Variants in SLC4A8 observed in about 807,000 individuals in gnomAD.
SLC4A8 encodes the protein solute carrier family 4 member 8.
SLC4A8 carries 40 observed loss-of-function variants against 125.0 expected under a neutral mutation model. The ratio of observed to expected loss-of-function variants is 0.32; its 90% CI spans 0.25 to 0.42. The LOEUF is 0.42. SLC4A8 is among the 10% of genes least tolerant of loss of function. SLC4A8 has a pLI of 1.00. For synonymous variants in SLC4A8, 456 were observed against 476.0 expected (o/e 0.96, Z 0.55); for missense variants, 863 against 1,355.1 (o/e 0.64, Z 5.70).
upstream of SLC4A8, among the ~76,000 whole-genome samples, chr12:51,422,808 C>G (rs1371936304): frequency 6.6e-6 from 1 of 152,194 alleles, no homozygotes; most frequent in Non-Finnish European, 1.5e-5. Context: ...CTCTTCTTAC[C>G]TTGGGTCAGC....
At chr12:51,465,755 T>G (rs917301825) in intron 11 of SLC4A8, among the ~76,000 whole-genome samples, 3 of 152,206 alleles carry the variant, frequency 2.0e-5, no homozygotes, top group Non-Finnish European at 2.9e-5. Context: ...CCTCCCATTG[T>G]AGCCCCTTAG....
chr12:51,415,493 T>C (rs1274883839), intron 1 of SLC4A8, among the ~76,000 whole-genome samples: 2 of 152,128 alleles, frequency 1.3e-5, no homozygotes, highest in African/African-American at 4.8e-5. Context: ...CAGGAATTTA[T>C]CCATTTCCTC....
intron 22 of SLC4A8, among the ~76,000 whole-genome samples, chr12:51,503,450 A>G (rs1386487764): frequency 6.6e-6 from 1 of 151,912 alleles, no homozygotes; most frequent in African/African-American, 2.4e-5. Context: ...TGACTTCATG[A>G]TCTGCCCACC....
chr12:51,474,592 C>A, intron 15 of SLC4A8, 145 bp downstream of exon 15: 1 of 1,388,074 alleles, frequency 7.2e-7, no homozygotes, highest in Non-Finnish European at 9.5e-7. Context: ...TACTCACTTT[C>A]TTTTATCCTT....
intron 2 of SLC4A8, among the ~76,000 whole-genome samples, chr12:51,445,063 CCT>C (rs1949730418): frequency 6.6e-6 from 1 of 152,198 alleles, no homozygotes; most frequent in East Asian, 1.9e-4. Flanking sequence ...CTGAAAGTCA[CCT>C]CTCACTGAGG....
intron 16 of SLC4A8, among the ~76,000 whole-genome samples, chr12:51,478,269 C>T (rs1471707128): frequency 4.0e-5 from 5 of 123,662 alleles, no homozygotes; most frequent in East Asian, 2.3e-4. Flanking sequence ...AGCGAAACTC[C>T]GTCTCAAAAA....
At chr12:51,482,109 A>G (rs1036608602) in intron 16 of SLC4A8, among the ~76,000 whole-genome samples, 3 of 152,190 alleles carry the variant, frequency 2.0e-5, no homozygotes, top group Non-Finnish European at 4.4e-5. Context: ...TGGATAGTCA[A>G]TAGCTACATG....
chr12:51,469,545 A>T (rs941072118), intron 11 of SLC4A8, 69 bp from the exon 12 acceptor site: 40 of 1,387,892 alleles, frequency 2.9e-5, no homozygotes, highest in Non-Finnish European at 3.6e-5. Context: ...ATGCTTTCAA[A>T]TGTGTGCTGT....
chr12:51,421,087 T>C (rs928546785), upstream of SLC4A8, among the ~76,000 whole-genome samples: 4 of 152,314 alleles, frequency 2.6e-5, no homozygotes, highest in African/African-American at 9.6e-5. Flanking sequence ...CTTGTCCACT[T>C]TATGCCTCTT....
At chr12:51,447,056 G>GTCTATCTGTCTA (rs1949793962) in intron 2 of SLC4A8, among the ~76,000 whole-genome samples, 25 of 147,432 alleles carry the variant, frequency 1.7e-4, no homozygotes, top group Non-Finnish European at 3.3e-4. Context: ...CTGTCTGTCT[G>GTCTATCTGTCTA]TCTATCTATC....
chr12:51,392,582 A>AAG (rs1555183496), intron 1 of SLC4A8, among the ~76,000 whole-genome samples: 6 of 150,992 alleles, frequency 4.0e-5, no homozygotes, highest in East Asian at 1.9e-4. Context: ...AAAAAAAAAA[A>AAG]AAAAGAAAAA....
At position 51,515,541 on chromosome 12, in the gene SLC4A8, A is replaced by G. The variant is rs545327225; in HGVS notation, c.*8103A>G. The G allele has an allele frequency of 6.6e-6, 1 of 152,304 alleles. No individual in the cohort carries two copies. Among genetic ancestry groups the G allele is most frequent in the South Asian group, 2.1e-4 (1 of 4,820 alleles). The allele number at this position is 152,304 out of a possible 1,614,324, so 9.4% of individuals were successfully genotyped here. The stretch of plus-strand genomic sequence containing the variant: ...TTAGTGTAAGAAATGTACCCTCTCC[A>G]CACTCCATGATGTAAATAGAACCAG... On this transcript the variant is annotated 3_prime_UTR_variant, in exon 25 of 25. Coordinates refer to ENST00000453097, the MANE Select transcript of SLC4A8 (RefSeq NM_001039960.3).
chr12:51,410,163 A>G (rs1187616630), intron 1 of SLC4A8, among the ~76,000 whole-genome samples: 2 of 152,212 alleles, frequency 1.3e-5, no homozygotes, highest in Non-Finnish European at 2.9e-5. Flanking sequence ...AGCACAGTGC[A>G]TGGGAGTGCC....
chr12:51,458,789 G>C (rs1565791461), intron 7 of SLC4A8, 139 bp downstream of exon 7: 1 of 615,052 alleles, frequency 1.6e-6, no homozygotes, highest in East Asian at 2.8e-5. Flanking sequence ...TGCATAAAAG[G>C]GGGCCCATCT....
In SLC4A8 at chr12:51,509,542, GCCCCTCCCATCT is replaced by G. The variant is rs1191962692; in HGVS notation, c.*2105_*2116del. Reference sequence around the variant, plus strand: ...CATCTCCCCTTTCTTGCTCTATCTTGCCCCTCCCATCTTTTCCTGCCACCTCTGTGTGGGGAG... The same window carrying G: ...CATCTCCCCTTTCTTGCTCTATCTTGTTTCCTGCCACCTCTGTGTGGGGAG... On this transcript the variant is annotated 3_prime_UTR_variant, in exon 25 of 25. Coordinates refer to ENST00000453097, the MANE Select transcript of SLC4A8 (RefSeq NM_001039960.3). 1 of 152,052 alleles carries G rather than the reference GCCCCTCCCATCT, an allele frequency of 6.6e-6. No homozygotes were observed. Among genetic ancestry groups the G allele is most frequent in the Non-Finnish European group, 1.5e-5 (1 of 68,082 alleles). The allele number at this position is 152,052 out of a possible 1,614,324, so 9.4% of individuals were successfully genotyped here. A position where few individuals can be genotyped will look rare whatever the true frequency, so the allele number is the denominator to read the frequency against.
At chr12:51,410,917 C>G (rs1399143969) in intron 1 of SLC4A8, among the ~76,000 whole-genome samples, 1 of 147,158 alleles carries the variant, frequency 6.8e-6, no homozygotes, top group African/African-American at 2.5e-5. Context: ...CTTTGTCGCC[C>G]AGGCTGGAAT....
chr12:51,461,816 A>G, intron 9 of SLC4A8: 1 of 197,302 alleles, frequency 5.1e-6, no homozygotes, highest in Non-Finnish European at 1.0e-5. Flanking sequence ...GTAAGCTGCA[A>G]AGTAGGGCTT....
chr12:51,481,366 C>T (rs986190545), intron 16 of SLC4A8, among the ~76,000 whole-genome samples: 1 of 152,120 alleles, frequency 6.6e-6, no homozygotes, highest in Non-Finnish European at 1.5e-5. Context: ...CTATTTAAAA[C>T]ACCCTCCTAG....
At chr12:51,490,623 A>T (rs1181091356) in intron 19 of SLC4A8, among the ~76,000 whole-genome samples, 1 of 151,234 alleles carries the variant, frequency 6.6e-6, no homozygotes, top group African/African-American at 2.4e-5. Flanking sequence ...GGGACATGGC[A>T]TGGAAGGAGG....
Sources: allele counts gnomAD v4.1 joint callset (sites outside exome capture counted in the v4.1 genomes callset), GRCh38; gene constraint gnomAD v4.1.1; transcripts MANE v1.5; gene names NCBI Gene and HGNC (gene_info 2026-07-23, HGNC 2026-07-21).